RASSF5: variants seen among roughly 807,000 people sequenced by gnomAD.
RASSF5 encodes ras association domain-containing protein 5.
Under a neutral mutation model 40.5 loss-of-function variants are expected in RASSF5, and 25 were observed. The observed-to-expected ratio is 0.62, with a 90% confidence interval of 0.45 to 0.86. The LOEUF is 0.86. Among genes scored for constraint, RASSF5 ranks in the 40% least tolerant of loss-of-function variants. The pLI is 0.00. For synonymous variants in RASSF5, 246 were observed against 252.4 expected, an observed-to-expected ratio of 0.97 and a Z score of 0.24; for missense variants, 521 against 572.8, an observed-to-expected ratio of 0.91 and a Z score of 0.92.
intron 2 of RASSF5, among the ~76,000 whole-genome samples, chr1:206,571,985 C>G (rs1668469353): frequency 6.6e-6 from 1 of 152,160 alleles, no homozygotes; most frequent in Non-Finnish European, 1.5e-5. Flanking sequence ...AAGGGGGCTT[C>G]ATGAAGACCT....
intron 1 of RASSF5, among the ~76,000 whole-genome samples, chr1:206,517,999 C>T (rs545110076): frequency 4.6e-5 from 7 of 152,228 alleles, no homozygotes; most frequent in Non-Finnish European, 7.4e-5. Context: ...AATCCATTAA[C>T]GAGCTCCTGG....
At position 206,507,908 on chromosome 1, in the gene RASSF5, C is replaced by T. The variant is rs1553394066; in HGVS notation, c.306C>T (p.Asp102=). The T allele has an allele frequency of 2.0e-6, 3 of 1,508,970 alleles. No individual in the cohort carries two copies. The highest frequency in any genetic ancestry group is 1.4e-5 in the African/African-American group (1 of 70,024). 93.5% of individuals were successfully genotyped at this position (1,508,970 alleles called of 1,614,324 possible). The change falls in exon 1 of 6, where the codon GAC becomes GAT. Residue 102 remains aspartate, a synonymous_variant. Coordinates refer to ENST00000579436, the MANE Select transcript of RASSF5 (RefSeq NM_182663.4). The stretch of plus-strand genomic sequence containing the variant: ...GGCCTGGAGCGCCCCGACCCCGCGA[C>T]GTGCGGAGCATCTTCGAGCAGCCGC... ...RRRPGAPRPR[D]VRSIFEQPQD... is the part of the protein sequence containing the mutation.
chr1:206,523,754 T>C (rs1337073030), intron 1 of RASSF5, among the ~76,000 whole-genome samples: 1 of 99,234 alleles, frequency 1.0e-5, no homozygotes, highest in Non-Finnish European at 1.8e-5. Flanking sequence ...TTTTATATAA[T>C]ATACATAATA....
chr1:206,584,530 A>G lies in RASSF5; in HGVS notation c.834A>G (p.Thr278=), dbSNP rs1421492389. 16 of 1,614,174 alleles carry G rather than the reference A, an allele frequency of 9.9e-6. No individual in the cohort carries two copies. The highest frequency in any genetic ancestry group is 1.4e-5 in the Non-Finnish European group (16 of 1,180,014). Residue 278 remains threonine, a synonymous_variant, in exon 4 of 6, where the codon ACA becomes ACG. Coordinates refer to ENST00000579436, the MANE Select transcript of RASSF5 (RefSeq NM_182663.4). This position sits in a 1 kb window ranked among gnomAD's most constrained non-coding sequence, Gnocchi z 4.9. The part of the protein sequence containing the change: ...VNLAATTDKR[T]SFYLPLDAIK... ...TGGCGGCTACCACGGACAAGCGGAC[A>G]TCCTTCTACCTGCCCCTAGATGCCA...
chr1:206,525,848 T>C (rs368851738), intron 1 of RASSF5, among the ~76,000 whole-genome samples: 5 of 152,166 alleles, frequency 3.3e-5, no homozygotes, highest in Non-Finnish European at 7.4e-5. Context: ...AAAGTGTATG[T>C]CAATCCCATC....
At chr1:206,556,793 G>C (rs1366353386) in intron 2 of RASSF5, among the ~76,000 whole-genome samples, 1 of 152,070 alleles carries the variant, frequency 6.6e-6, no homozygotes, top group East Asian at 1.9e-4. Flanking sequence ...TAACCATTCC[G>C]ATTGACCCGG....
chr1:206,537,743 A>G (rs1229323952), intron 1 of RASSF5, among the ~76,000 whole-genome samples: 1 of 152,150 alleles, frequency 6.6e-6, no homozygotes, highest in Non-Finnish European at 1.5e-5. Flanking sequence ...CACAACCTGT[A>G]TTTTACAGAT....
Position 206,584,450 on chromosome 1 carries a change from G to A in RASSF5, c.754G>A (p.Val252Met). The A allele has an allele frequency of 6.2e-7, 1 of 1,614,164 alleles. No homozygotes were observed. The change falls in exon 4 of 6, where the codon GTG becomes ATG. Residue 252 changes from valine (V) to methionine (M), a missense_variant. Physicochemically the swap from Val to Met is conservative, Grantham distance 21 (BLOSUM62 1). Transcript: ENST00000579436. This position sits in a 1 kb window ranked among gnomAD's most constrained non-coding sequence, Gnocchi z 4.9. Reference sequence around the variant, plus strand: ...TCTGAAACTCCGGCGGCCTGTGACGGTGCCTGCTGGGATCCGGCCCCAGTC... The same window carrying A: ...TCTGAAACTCCGGCGGCCTGTGACGATGCCTGCTGGGATCCGGCCCCAGTC... The part of the protein sequence containing the change: ...VHLKLRRPVT[V>M]PAGIRPQSIY...
intron 1 of RASSF5, 29 bp downstream of exon 1, chr1:206,508,088 C>G: frequency 2.3e-6 from 3 of 1,330,512 alleles, no homozygotes; most frequent in Non-Finnish European, 2.9e-6. Context: ...GAGGGGCGTG[C>G]GGGGAGACCG....
intron 1 of RASSF5, among the ~76,000 whole-genome samples, chr1:206,512,615 C>T (rs1285326749): frequency 1.3e-5 from 2 of 152,112 alleles, no homozygotes; most frequent in African/African-American, 2.4e-5. Context: ...CCAATTCTAC[C>T]GGCGAGCCAG....
chr1:206,551,706 G>A (rs782355521), intron 2 of RASSF5, among the ~76,000 whole-genome samples: 6 of 152,244 alleles, frequency 3.9e-5, no homozygotes, highest in Non-Finnish European at 7.3e-5. Context: ...AAACCCTGGA[G>A]ACATTTCTCT....
chr1:206,561,051 C>T (rs1324213717), intron 2 of RASSF5, among the ~76,000 whole-genome samples: 1 of 152,198 alleles, frequency 6.6e-6, no homozygotes, highest in East Asian at 1.9e-4. Flanking sequence ...GGAACACAGG[C>T]GTTCTGAACT....
chr1:206,571,441 C>G (rs1392427918), intron 2 of RASSF5: 1 of 152,122 alleles, frequency 6.6e-6, no homozygotes. Flanking sequence ...CACTCACTCA[C>G]CTACCCACCG....
rs529044713 is a variant in RASSF5 at position 206,588,119 on chromosome 1, C to T, written c.*1141C>T. ...GAGCCGGTGGGCCTGGCCTCCCCGT[C>T]GACCTCAGTGCCTTTTTGTTTTCAG... On this transcript the variant is annotated 3_prime_UTR_variant, in exon 6 of 6. Coordinates refer to ENST00000579436, the MANE Select transcript of RASSF5 (RefSeq NM_182663.4). 4.6e-5 allele frequency: 7 copies of T among 152,928 alleles called. No individual in the cohort carries two copies. The highest frequency in any genetic ancestry group is 2.1e-4 in the South Asian group (1 of 4,832). 9.5% of individuals were successfully genotyped at this position (152,928 alleles called of 1,614,324 possible). A position where few individuals can be genotyped will look rare whatever the true frequency, so the allele number is the denominator to read the frequency against.
intron 2 of RASSF5, among the ~76,000 whole-genome samples, chr1:206,572,326 C>T (rs1668479215): frequency 6.6e-6 from 1 of 152,146 alleles, no homozygotes; most frequent in Non-Finnish European, 1.5e-5. Flanking sequence ...TCCGAGATAG[C>T]CCACACAGTT....
chr1:206,508,192 TAAC>T (rs1179265604), intron 1 of RASSF5, 133 bp downstream of exon 1: 1 of 655,298 alleles, frequency 1.5e-6, no homozygotes, highest in East Asian at 3.4e-5. Context: ...CATAAGGAGA[TAAC>T]AACCCCTGGG....
At chr1:206,527,790 C>A (rs1227154727) in intron 1 of RASSF5, among the ~76,000 whole-genome samples, 1 of 152,136 alleles carries the variant, frequency 6.6e-6, no homozygotes, top group African/African-American at 2.4e-5. Flanking sequence ...CTCCCATCCC[C>A]AGTGAAGCCC....
chr1:206,583,567 G>T, intron 3 of RASSF5, 188 bp downstream of exon 3: 2 of 577,762 alleles, frequency 3.5e-6, no homozygotes, highest in Non-Finnish European at 3.1e-6. Flanking sequence ...TGTGCTTTAG[G>T]GAAATAGATC....
intron 2 of RASSF5, among the ~76,000 whole-genome samples, chr1:206,541,586 G>A (rs1310881786): frequency 6.6e-6 from 1 of 152,168 alleles, no homozygotes; most frequent in South Asian, 2.1e-4. Flanking sequence ...GATCTCTGAG[G>A]TCTCTGATAT....
Sources: gnomAD v4.1 joint callset for allele counts (sites outside exome capture counted in the v4.1 genomes callset) on GRCh38, gnomAD v4.1.1 for gene constraint, Gnocchi (gnomAD v3.1) non-coding constraint, MANE v1.5 for transcripts, NCBI Gene and HGNC (gene_info 2026-07-23, HGNC 2026-07-21) for gene names.